NID2: variants seen among roughly 807,000 people sequenced by gnomAD.
The protein encoded by NID2 is nidogen 2.
A neutral mutation model predicts 145.4 loss-of-function variants in NID2; 83 were observed. The observed-to-expected ratio is 0.57, with a 90% CI of 0.48 to 0.69. The LOEUF (loss-of-function observed/expected upper bound fraction) is 0.69. NID2 is among the 30% of genes least tolerant of loss of function. The probability of loss-of-function intolerance (pLI) is 0.00; values close to 1 mark genes in which losing one functional copy is unlikely to be tolerated. For missense variants in NID2, 1,807 were observed against 1,765.7 expected, an observed-to-expected ratio of 1.02 and a Z score of -0.42; for synonymous variants, 739 against 701.3, an observed-to-expected ratio of 1.05 and a Z score of -0.85.
intron 9 of NID2, among the ~76,000 whole-genome samples, chr14:52,030,168 C>T (rs946550436): frequency 6.6e-6 from 1 of 152,186 alleles, no homozygotes; most frequent in African/African-American, 2.4e-5. Context: ...TGATCTCTTA[C>T]TAAAATTCCC....
chr14:52,033,626 C>T (rs1437620182), intron 9 of NID2, among the ~76,000 whole-genome samples: 1 of 90,226 alleles, frequency 1.1e-5, no homozygotes, highest in African/African-American at 4.1e-5. Context: ...AACTATCGTT[C>T]CCTCTGGAAA....
chr14:52,011,911 A>C (rs563560817), intron 16 of NID2: 7 of 497,086 alleles, frequency 1.4e-5, no homozygotes, highest in African/African-American at 9.6e-5. Context: ...TCTCATTTGC[A>C]AAATGAGGCC....
At chr14:52,046,780 T>G (rs990605647) in intron 5 of NID2, among the ~76,000 whole-genome samples, 6 of 152,222 alleles carry the variant, frequency 3.9e-5, no homozygotes, top group African/African-American at 1.4e-4. Flanking sequence ...CCTGGGAGTC[T>G]TTTTAAACAG....
At chr14:52,006,695 G>A (rs770598326) in intron 19 of NID2, 35 bp from the exon 20 acceptor site, 18 of 1,610,484 alleles carry the variant, frequency 1.1e-5, no homozygotes, top group Non-Finnish European at 1.5e-5. Context: ...AGGTCCTTCA[G>A]CTGCTTTGCC....
chr14:52,030,480 GA>G (rs754311143), intron 9 of NID2, among the ~76,000 whole-genome samples: 4 of 68,406 alleles, frequency 5.8e-5, no homozygotes, highest in Non-Finnish European at 8.6e-5. Context: ...TCGAGAGAAA[GA>G]AAAGAAAGAA....
intron 2 of NID2, among the ~76,000 whole-genome samples, chr14:52,067,551 T>C (rs1893261468): frequency 6.6e-6 from 1 of 152,214 alleles, no homozygotes; most frequent in Non-Finnish European, 1.5e-5. Flanking sequence ...TAGAGATGGT[T>C]CTAAAAATAA....
At chr14:52,068,274 C>T (rs1174798667) in intron 1 of NID2, 111 bp from the exon 2 acceptor site, 6 of 1,100,970 alleles carry the variant, frequency 5.4e-6, no homozygotes, top group Non-Finnish European at 6.7e-6. Context: ...TCTCTCCTTC[C>T]CCACTGGCCA....
intron 5 of NID2, among the ~76,000 whole-genome samples, chr14:52,051,073 G>A (rs1892663275): frequency 6.6e-6 from 1 of 152,214 alleles, no homozygotes; most frequent in Non-Finnish European, 1.5e-5. Context: ...CTGCTGTTCT[G>A]TGGCCTAGGA....
rs1555365265 is a variant in NID2 at position 52,046,340 on chromosome 14, A to AAG, written c.1430-3410_1430-3409insCT. Among the ~76,000 whole-genome samples, 3 of 26,692 alleles carry AAG rather than the reference A, an allele frequency of 1.1e-4. 1 individual carries two copies. The highest frequency in any genetic ancestry group is 2.1e-4 in the African/African-American group (1 of 4,702). The allele number at this position is 26,692 out of a possible 152,430, so 17.5% of individuals were successfully genotyped here. ...TCCATCTCAAAAAAAAAAAAAAAAA[A>AAG]AAGCCGTTTTCATAATATTCAGATA... is the stretch of plus-strand genomic sequence containing the variant. On this transcript the variant is annotated intron_variant, in intron 5 of 21. Coordinates refer to ENST00000216286, the MANE Select transcript of NID2 (RefSeq NM_007361.4).
rs1200392410 is a variant in NID2 at position 52,042,927 on chromosome 14, G to A, written c.1434C>T (p.Phe478=). ...EDNIGSNTEV[F]TYNAANKETC... ...TTTCCTTGTTGGCAGCATTATACGTGAAGACTGAAAAATAAAACAAACTTG... is the reference window on the plus strand; with the variant it reads ...TTTCCTTGTTGGCAGCATTATACGTAAAGACTGAAAAATAAAACAAACTTG... Residue 478 remains phenylalanine, a synonymous_variant, in exon 6 of 22, where the codon TTC becomes TTT. Coordinates refer to ENST00000216286, the MANE Select transcript of NID2 (RefSeq NM_007361.4). 4.3e-6 allele frequency: 7 copies of A among 1,613,870 alleles called. No individual in the cohort carries two copies. In the African/African-American group the frequency reaches 8.0e-5, roughly 18 times the overall value.
intron 14 of NID2, among the ~76,000 whole-genome samples, chr14:52,016,259 G>A (rs1456134267): frequency 1.3e-5 from 2 of 152,170 alleles, no homozygotes; most frequent in Non-Finnish European, 2.9e-5. Context: ...CTACCCAAAG[G>A]AACTTAAACA....
intron 9 of NID2, among the ~76,000 whole-genome samples, chr14:52,030,453 T>G: frequency 7.4e-6 from 1 of 134,406 alleles, no homozygotes; most frequent in African/African-American, 2.8e-5. Context: ...GCCTGGGCAA[T>G]ATGCCAAGAC....
chr14:52,063,283 G>T (rs963925688), intron 2 of NID2, among the ~76,000 whole-genome samples: 2 of 152,194 alleles, frequency 1.3e-5, no homozygotes, highest in East Asian at 3.9e-4. Flanking sequence ...CGAGTCACTG[G>T]TTCCCAGCTC....
intron 5 of NID2, among the ~76,000 whole-genome samples, chr14:52,051,829 G>A (rs868096834): frequency 5.3e-5 from 8 of 152,194 alleles, no homozygotes; most frequent in Middle Eastern, 3.4e-3. Flanking sequence ...GATGTCTATA[G>A]TAGACTGCAT....
intron 19 of NID2, chr14:52,007,454 T>G: frequency 3.7e-6 from 1 of 267,006 alleles, no homozygotes; most frequent in Non-Finnish European, 7.2e-6. Context: ...GTCCTTAGCA[T>G]TATAACAGAT....
intron 9 of NID2, among the ~76,000 whole-genome samples, chr14:52,037,193 G>A (rs562810634): frequency 6.6e-6 from 1 of 152,250 alleles, no homozygotes; most frequent in South Asian, 2.1e-4. Flanking sequence ...GTCACTCAGT[G>A]GTCCCAGCAC....
intron 5 of NID2, among the ~76,000 whole-genome samples, chr14:52,052,261 C>A (rs1892704181): frequency 6.6e-6 from 1 of 152,200 alleles, no homozygotes; most frequent in Non-Finnish European, 1.5e-5. Context: ...CCCTTAGGCA[C>A]AAATTAATGT....
chr14:52,046,271 C>T (rs998729057), intron 5 of NID2, among the ~76,000 whole-genome samples: 2 of 136,442 alleles, frequency 1.5e-5, no homozygotes, highest in East Asian at 4.5e-4. Context: ...TGCAGTGAGC[C>T]GAGATCGCAC....
intron 5 of NID2, among the ~76,000 whole-genome samples, chr14:52,046,422 T>G (rs760498155): frequency 5.9e-5 from 9 of 151,734 alleles, no homozygotes; most frequent in Non-Finnish European, 1.0e-4. Context: ...AATAACAGGC[T>G]TGGATTGTAT....
Sources: gnomAD v4.1 joint callset for allele counts (sites outside exome capture counted in the v4.1 genomes callset) on GRCh38, gnomAD v4.1.1 for gene constraint, MANE v1.5 for transcripts, NCBI Gene and HGNC (gene_info 2026-07-23, HGNC 2026-07-21) for gene names.